The following DYNC1LI2 variants were observed in gnomAD, a reference collection of about 807,000 sequenced individuals.
DYNC1LI2 encodes dynein cytoplasmic 1 light intermediate chain 2.
DYNC1LI2 carries 19 observed loss-of-function variants against 57.8 expected under a neutral mutation model. The ratio of observed to expected loss-of-function variants is 0.33; its 90% CI spans 0.23 to 0.48. The LOEUF is 0.48. Among genes scored for constraint, DYNC1LI2 ranks in the 20% least tolerant of loss-of-function variants. The pLI, the probability that DYNC1LI2 is intolerant of heterozygous loss-of-function variation, is 0.99. For synonymous variants in DYNC1LI2, 256 were observed against 233.4 expected, an observed-to-expected ratio of 1.10 and a Z score of -0.88; for missense variants, 470 against 604.2, an observed-to-expected ratio of 0.78 and a Z score of 2.33.
Position 66,724,303 on chromosome 16 carries a change from A to T in DYNC1LI2, c.1379-481T>A, listed in dbSNP as rs543202989. ...TAAGAATAAGATAGTTCAGTCCTGC[A>T]CAAAATCTATACTTGTATTTTTCTG... is the stretch of plus-strand genomic sequence containing the variant. On this transcript the variant is annotated intron_variant, in intron 12 of 12. Coordinates refer to ENST00000258198, the MANE Select transcript of DYNC1LI2 (RefSeq NM_006141.3). Among the ~76,000 whole-genome samples the T allele has an allele frequency of 4.6e-5, 7 of 152,320 alleles. No homozygotes were observed. In the East Asian group the frequency reaches 1.2e-3, roughly 25 times the overall value.
At position 66,751,165 on chromosome 16, in the gene DYNC1LI2, C is replaced by T. The variant is rs2145016827; in HGVS notation, c.181+108G>A. The T allele has an allele frequency of 2.3e-6, 3 of 1,314,540 alleles. No individual in the cohort carries two copies. The highest frequency in any genetic ancestry group is 3.1e-6 in the Non-Finnish European group (3 of 969,458). 81.4% of individuals were successfully genotyped at this position (1,314,540 alleles called of 1,614,324 possible). On this transcript the variant is annotated intron_variant, in intron 2 of 12. Transcript: ENST00000258198. The surrounding 1 kb of genome is among the most constrained non-coding windows in gnomAD (Gnocchi z 5.2). ...GCCAGGGCCGACGGTCCCTTTCCCG[C>T]CAGGCTGCGGGCAGGCGGCTGGAAC...
intron 6 of DYNC1LI2, 76 bp from the exon 7 acceptor site, chr16:66,732,550 A>C: frequency 6.8e-7 from 1 of 1,478,528 alleles, no homozygotes; most frequent in South Asian, 1.4e-5. Context: ...TCAAAGTACT[A>C]CTCATAGGTT....
rs769932848 is a variant in DYNC1LI2, at chr16:66,728,276, A to C, written c.1102-34T>G. 1.1e-5 allele frequency: 17 copies of C among 1,613,466 alleles called. No individual in the cohort carries two copies. The East Asian group carries it at 3.8e-4, about 36-fold the overall frequency. On this transcript the variant is annotated intron_variant, in intron 9 of 12. Coordinates refer to ENST00000258198, the MANE Select transcript of DYNC1LI2 (RefSeq NM_006141.3). ...AGAGGGACAAACTGGCTATTAACCA[A>C]GGCCTGCAGAGAGCACTGAAGGTCT...
intron 3 of DYNC1LI2, among the ~76,000 whole-genome samples, chr16:66,748,305 A>AAAAAAAAAAAAAAT (rs1441454828): frequency 7.3e-6 from 1 of 137,342 alleles, no homozygotes; most frequent in African/African-American, 2.8e-5. Context: ...AAAAAAAAAA[A>AAAAAAAAAAAAAAT]CTAACATAAA....
intron 4 of DYNC1LI2, chr16:66,738,436 G>C (rs147722300): frequency 1.3e-5 from 2 of 151,462 alleles, no homozygotes; most frequent in Non-Finnish European, 2.9e-5. Context: ...ATTTTTAGTA[G>C]AGACAGGGTT....
intron 3 of DYNC1LI2, among the ~76,000 whole-genome samples, chr16:66,746,597 A>T (rs1374393713): frequency 6.6e-6 from 1 of 152,194 alleles, no homozygotes; most frequent in Non-Finnish European, 1.5e-5. Context: ...AAGGCAAATA[A>T]ATGTGGTCAA....
Position 66,751,463 on chromosome 16 carries a change from G to GCCCGA in DYNC1LI2, c.107+17_107+21dup. The GCCCGA allele has an allele frequency of 6.3e-7, 1 of 1,582,302 alleles. No individual in the cohort carries two copies. The highest frequency in any genetic ancestry group is 8.6e-7 in the Non-Finnish European group (1 of 1,168,198). ...CAGAGGCCGCGCCCCCCACGGCCCG[G>GCCCGA]CCCGACCGCCCGCGGCCTCACCATA... On this transcript the variant is annotated intron_variant, in intron 1 of 12. Coordinates refer to ENST00000258198, the MANE Select transcript of DYNC1LI2 (RefSeq NM_006141.3). The surrounding 1 kb of genome is among the most constrained non-coding windows in gnomAD (Gnocchi z 5.2).
At chr16:66,737,813 A>G (rs2017762688) in intron 4 of DYNC1LI2, among the ~76,000 whole-genome samples, 2 of 152,248 alleles carry the variant, frequency 1.3e-5, no homozygotes, top group African/African-American at 4.8e-5. Context: ...AGTTAAGCCA[A>G]GTGACCACAA....
intron 3 of DYNC1LI2, among the ~76,000 whole-genome samples, chr16:66,748,182 G>GT (rs2017972270): frequency 6.7e-6 from 1 of 150,266 alleles, no homozygotes; most frequent in South Asian, 2.1e-4. Flanking sequence ...GGAGGATGAG[G>GT]TGGAAGGATG....
In DYNC1LI2 at chr16:66,751,202, G is replaced by T. The variant is rs2018042621; in HGVS notation, c.181+71C>A. The T allele has an allele frequency of 6.6e-7, 1 of 1,523,056 alleles. No homozygotes were observed. The highest frequency in any genetic ancestry group is 2.4e-5 in the East Asian group (1 of 42,154). The allele number at this position is 1,523,056 out of a possible 1,614,324, so 94.3% of individuals were successfully genotyped here. A position where few individuals can be genotyped will look rare whatever the true frequency, so the allele number is the denominator to read the frequency against. On this transcript the variant is annotated intron_variant, in intron 2 of 12. Transcript: ENST00000258198. This position sits in a 1 kb window ranked among gnomAD's most constrained non-coding sequence, Gnocchi z 5.2. The stretch of plus-strand genomic sequence containing the variant: ...CAGGCGGCTGGAACGGGGAAGGCGG[G>T]GACCTGAGGGAGGGGCGCCCGCCTC...
At chr16:66,739,749 A>G (rs532171069) in intron 4 of DYNC1LI2, among the ~76,000 whole-genome samples, 48 of 152,366 alleles carry the variant, frequency 3.2e-4, no homozygotes, top group African/African-American at 1.1e-3. Context: ...TTAGAAAGCA[A>G]TTTGGAAAGC....
intron 6 of DYNC1LI2, chr16:66,732,684 A>C (rs2017659728): frequency 2.4e-6 from 1 of 420,538 alleles, no homozygotes; most frequent in East Asian, 3.7e-5. Context: ...AAAAAGTAAA[A>C]AGGTCATAGT....
Position 66,742,634 on chromosome 16 carries a change from T to G in DYNC1LI2, c.333A>C (p.Gly111=). The G allele has an allele frequency of 6.2e-7, 1 of 1,614,134 alleles. No homozygotes were observed. ...TCAGCAGGCCTTTGTGGTACAAGTC[T>G]CCATCCAGAATCCACACGTTGCAGC... ...HTRCNVWILD[G]DLYHKGLLKF... The change falls in exon 4 of 13, where the codon GGA becomes GGC. Residue 111 remains glycine (G), a synonymous_variant. Coordinates refer to ENST00000258198, the MANE Select transcript of DYNC1LI2 (RefSeq NM_006141.3).
chr16:66,723,852 G>C (rs777628806), intron 12 of DYNC1LI2, 30 bp from the exon 13 acceptor site: 2 of 1,554,272 alleles, frequency 1.3e-6, no homozygotes, highest in Non-Finnish European at 1.7e-6. Context: ...AAAAAGCAAA[G>C]TAATGATGTG....
chr16:66,730,329 G>T, intron 7 of DYNC1LI2, 106 bp from the exon 8 acceptor site: 1 of 915,922 alleles, frequency 1.1e-6, no homozygotes, highest in Non-Finnish European at 1.6e-6. Context: ...ACAAGATATA[G>T]TGTGTAGTTG....
At chr16:66,746,448 A>G (rs934454779) in intron 3 of DYNC1LI2, among the ~76,000 whole-genome samples, 6 of 152,234 alleles carry the variant, frequency 3.9e-5, no homozygotes, top group African/African-American at 1.4e-4. Flanking sequence ...AAAATGTACC[A>G]TTAACAACAG....
chr16:66,722,376 T>C lies in DYNC1LI2; in HGVS notation c.*1346A>G, dbSNP rs906492879. The C allele has an allele frequency of 6.6e-6, 1 of 152,642 alleles. No homozygotes were observed. Among genetic ancestry groups the C allele is most frequent in the African/African-American group, 2.4e-5 (1 of 41,464 alleles). The allele number at this position is 152,642 out of a possible 1,614,324, so 9.5% of individuals were successfully genotyped here. The stretch of plus-strand genomic sequence containing the variant: ...AACATTTTATACATTAAATTCATGG[T>C]AGTGTTTGCATTTAAATGCTGTCAT... On this transcript the variant is annotated 3_prime_UTR_variant, in exon 13 of 13. Transcript: ENST00000258198.
chr16:66,730,149 G>C lies in DYNC1LI2; in HGVS notation c.1004C>G (p.Ala335Gly), dbSNP rs566955186. The C allele has an allele frequency of 6.2e-7, 1 of 1,614,054 alleles. No homozygotes were observed. Among genetic ancestry groups the C allele is most frequent in the Admixed American group, 1.7e-5 (1 of 59,980 alleles). The change falls in exon 8 of 13, where the codon GCA (alanine) becomes GGA (glycine). Residue 335 changes from alanine to glycine, a missense_variant. Physicochemically the swap from Ala to Gly is moderately conservative, Grantham distance 60 (BLOSUM62 0). Coordinates refer to ENST00000258198, the MANE Select transcript of DYNC1LI2 (RefSeq NM_006141.3). ...ENFTTVKPED[A>G]YEDFIVKPPV... is the part of the protein sequence containing the mutation. ...AGGTTTCACAATAAAGTCTTCATATGCATCTTCCGGCTTCACGGTTGTAAA... is the reference window on the plus strand; with the variant it reads ...AGGTTTCACAATAAAGTCTTCATATCCATCTTCCGGCTTCACGGTTGTAAA...
intron 4 of DYNC1LI2, chr16:66,738,265 T>C (rs2017772754): frequency 9.8e-6 from 1 of 102,500 alleles, no homozygotes; most frequent in South Asian, 3.2e-4. Flanking sequence ...TTTTTTTTTT[T>C]TGTGATGGAG....
Sources: gnomAD v4.1 joint callset for allele counts (sites outside exome capture counted in the v4.1 genomes callset) on GRCh38, gnomAD v4.1.1 for gene constraint, Gnocchi (gnomAD v3.1) non-coding constraint, MANE v1.5 for transcripts, NCBI Gene and HGNC (gene_info 2026-07-23, HGNC 2026-07-21) for gene names.